LHPP: variants seen among roughly 807,000 people sequenced by gnomAD.
LHPP encodes the protein hLHPP.
Under a neutral mutation model 30.3 loss-of-function variants are expected in LHPP, and 24 were observed. The observed-to-expected ratio is 0.79, with a 90% confidence interval of 0.57 to 1.11. The LOEUF (loss-of-function observed/expected upper bound fraction) is 1.11. Among genes scored for constraint, LHPP ranks in the 50% most tolerant of loss-of-function variants. The pLI is 0.00. For synonymous variants in LHPP, 150 were observed against 157.1 expected (o/e 0.95, Z 0.34); for missense variants, 356 against 367.2 (o/e 0.97, Z 0.25).
chr10:124,552,006 C>G (rs192108514), intron 6 of LHPP, among the ~76,000 whole-genome samples: 66 of 152,250 alleles, frequency 4.3e-4, no homozygotes, highest in African/African-American at 1.5e-3. Flanking sequence ...CATCCCCTCC[C>G]CTTCTCCACC....
At chr10:124,542,308 T>C (rs1955215517) in intron 6 of LHPP, among the ~76,000 whole-genome samples, 1 of 152,194 alleles carries the variant, frequency 6.6e-6, no homozygotes, top group Non-Finnish European at 1.5e-5. Context: ...CTTGAAGTTA[T>C]CCAGCACTTA....
chr10:124,549,867 C>T (rs1399091244), intron 6 of LHPP, among the ~76,000 whole-genome samples: 1 of 152,264 alleles, frequency 6.6e-6, no homozygotes, highest in East Asian at 1.9e-4. Context: ...TTGCTTTTCT[C>T]ATCTGTAAAT....
intron 6 of LHPP, among the ~76,000 whole-genome samples, chr10:124,544,930 C>T (rs974392520): frequency 6.6e-6 from 1 of 152,196 alleles, no homozygotes; most frequent in Admixed American, 6.5e-5. Context: ...TGTGCATGGG[C>T]GGCCTGGGTT....
intron 6 of LHPP, among the ~76,000 whole-genome samples, chr10:124,584,711 C>A (rs1015082349): frequency 2.0e-5 from 3 of 152,142 alleles, no homozygotes; most frequent in East Asian, 3.8e-4. Flanking sequence ...TAGCAGGGAG[C>A]GTTGCCATCT....
Position 124,547,381 on chromosome 10 carries a change from T to G in LHPP, c.716+30110T>G, listed in dbSNP as rs1469150996. 3.3e-5 allele frequency among the ~76,000 whole-genome samples: 5 copies of G among 152,394 alleles called. No individual in the cohort carries two copies. The South Asian group carries it at 1.0e-3, about 32-fold the overall frequency. ...TTCTCATAAATATTTCAACTTTAGA[T>G]TCTGTGAGTGAGTCTATTAGTGTCA... On this transcript the variant is annotated intron_variant, in intron 6 of 6. Coordinates refer to ENST00000368842, the MANE Select transcript of LHPP (RefSeq NM_022126.4).
intron 1 of LHPP, among the ~76,000 whole-genome samples, chr10:124,472,293 A>T (rs1952803703): frequency 6.6e-6 from 1 of 152,138 alleles, no homozygotes; most frequent in African/African-American, 2.4e-5. Context: ...AGCCTGGGAG[A>T]CACAGCAAGA....
chr10:124,562,792 C>T (rs1414574770), intron 6 of LHPP, among the ~76,000 whole-genome samples: 2 of 151,994 alleles, frequency 1.3e-5, no homozygotes, highest in African/African-American at 4.8e-5. Context: ...ATTACCTAGG[C>T]ATGATGGTGC....
chr10:124,530,816 A>G (rs11245266), intron 6 of LHPP, among the ~76,000 whole-genome samples: 97,440 of 152,132 alleles, frequency 0.64, 31,435 homozygotes, highest in South Asian at 0.78. Context: ...ACCACAGCGC[A>G]CAGGGCCGAG....
chr10:124,592,509 G>GC lies in LHPP; in HGVS notation c.717-20755_717-20754insC, dbSNP rs1358873677. On this transcript the variant is annotated intron_variant, in intron 6 of 6. Transcript: ENST00000368842. This position sits in a 1 kb window ranked among gnomAD's most constrained non-coding sequence, Gnocchi z 6.2. ...GGAAAAGCCCTGACCCCAGAATCCT[G>GC]AGCCTAAATTGCTGCCAAGTTCCCG... is the stretch of plus-strand genomic sequence containing the variant. Among the ~76,000 whole-genome samples, 3 of 152,194 alleles carry GC rather than the reference G, an allele frequency of 2.0e-5. No individual in the cohort carries two copies. The highest frequency in any genetic ancestry group is 7.2e-5 in the African/African-American group (3 of 41,448).
At chr10:124,474,767 C>T (rs1425656775) in intron 1 of LHPP, among the ~76,000 whole-genome samples, 1 of 152,264 alleles carries the variant, frequency 6.6e-6, no homozygotes. Context: ...AGGAGCCAGT[C>T]ACCGGGCGCT....
intron 1 of LHPP, among the ~76,000 whole-genome samples, chr10:124,470,358 A>G (rs1243998841): frequency 6.6e-6 from 1 of 151,332 alleles, no homozygotes; most frequent in Non-Finnish European, 1.5e-5. Flanking sequence ...GGGCAGCCTC[A>G]TAAAGCAATT....
At chr10:124,568,394 G>T (rs1216509291) in intron 6 of LHPP, among the ~76,000 whole-genome samples, 2 of 152,278 alleles carry the variant, frequency 1.3e-5, no homozygotes, top group East Asian at 3.9e-4. Context: ...CCATCCCCGG[G>T]GTGACCATTC....
chr10:124,562,737 G>A (rs910395106), intron 6 of LHPP, among the ~76,000 whole-genome samples: 9 of 152,074 alleles, frequency 5.9e-5, no homozygotes, highest in African/African-American at 2.2e-4. Flanking sequence ...CTCGAGAACA[G>A]CCTGGCCAAC....
intron 6 of LHPP, among the ~76,000 whole-genome samples, chr10:124,612,157 A>G (rs1404135178): frequency 6.6e-6 from 1 of 152,158 alleles, no homozygotes; most frequent in Non-Finnish European, 1.5e-5. Flanking sequence ...TAATCCCAGC[A>G]CTTTGGGAGG....
At chr10:124,588,391 C>T (rs1948832369) in intron 6 of LHPP, among the ~76,000 whole-genome samples, 1 of 152,020 alleles carries the variant, frequency 6.6e-6, no homozygotes, top group South Asian at 2.1e-4. Context: ...TCAAGTGATT[C>T]TCCTGCCTCA....
chr10:124,500,843 G>A (rs1350863306), intron 5 of LHPP, among the ~76,000 whole-genome samples: 1 of 151,994 alleles, frequency 6.6e-6, no homozygotes, highest in African/African-American at 2.4e-5. Context: ...CCACTTGGTG[G>A]TTCCTCAAAG....
rs926083617 is a variant in LHPP, at chr10:124,593,277, C to T, written c.717-19987C>T. Among the ~76,000 whole-genome samples, 2 of 152,236 alleles carry T rather than the reference C, an allele frequency of 1.3e-5. No homozygotes were observed. Among genetic ancestry groups the T allele is most frequent in the African/African-American group, 2.4e-5 (1 of 41,546 alleles). On this transcript the variant is annotated intron_variant, in intron 6 of 6. Coordinates refer to ENST00000368842, the MANE Select transcript of LHPP (RefSeq NM_022126.4). The surrounding 1 kb of genome is among the most constrained non-coding windows in gnomAD (Gnocchi z 4.9). ...GTCCTGCAGCCCGTGGGTGGCAGGG[C>T]GGTAACCCCATCTGCCCAGAACCAG...
chr10:124,481,519 G>A (rs111398101), intron 1 of LHPP, among the ~76,000 whole-genome samples: 192 of 151,914 alleles, frequency 1.3e-3, no homozygotes, highest in African/African-American at 4.4e-3. Flanking sequence ...TAGGACTACA[G>A]GTGCCCGCCA....
At chr10:124,486,998 T>C (rs1328225562) in intron 2 of LHPP, among the ~76,000 whole-genome samples, 2 of 152,260 alleles carry the variant, frequency 1.3e-5, no homozygotes, top group Non-Finnish European at 2.9e-5. Context: ...ACAGTAGTCT[T>C]TTGTGTAAGG....
Sources: allele counts gnomAD v4.1 joint callset (sites outside exome capture counted in the v4.1 genomes callset), GRCh38; gene constraint gnomAD v4.1.1; non-coding constraint Gnocchi (gnomAD v3.1); transcripts MANE v1.5; gene names NCBI Gene and HGNC (gene_info 2026-07-23, HGNC 2026-07-21).